AAK1: variants seen among roughly 807,000 people sequenced by gnomAD.
AAK1 encodes AP2-associated protein kinase 1.
Under a neutral mutation model 116.0 loss-of-function variants are expected in AAK1, and 37 were observed. The observed-to-expected ratio is 0.32, with a 90% CI of 0.25 to 0.42. The LOEUF is 0.42. Ranked by LOEUF, AAK1 falls within the 10% of genes least tolerant of loss-of-function variation. The pLI, the probability that AAK1 is intolerant of heterozygous loss-of-function variation, is 1.00. For synonymous variants in AAK1, 458 were observed against 439.9 expected (o/e 1.04, Z -0.51); for missense variants, 919 against 1,170.6 (o/e 0.79, Z 3.14).
rs561819944 is a variant in AAK1, at chr2:69,491,559, T to C, written c.2365+4426A>G. Among the ~76,000 whole-genome samples the C allele has an allele frequency of 1.8e-4, 28 of 152,162 alleles. 1 individual carries two copies. The highest frequency in any genetic ancestry group is 3.8e-4 in the Non-Finnish European group (26 of 68,034). On this transcript the variant is annotated intron_variant, in intron 17 of 21. Transcript: ENST00000409085. The stretch of plus-strand genomic sequence containing the variant: ...TTTGACAATCACTGTATCCAGGAAA[T>C]CTATTTTAATGGTTCTCAGTTGTGC...
chr2:69,564,799 T>C (rs538269330), intron 2 of AAK1, among the ~76,000 whole-genome samples: 120 of 152,302 alleles, frequency 7.9e-4, no homozygotes, highest in African/African-American at 1.2e-4. Flanking sequence ...CCCTAGGTCA[T>C]AGTCCTTCAA....
At position 69,465,880 on chromosome 2, in the gene AAK1, G is replaced by A. The variant is rs1674469915; in HGVS notation, c.*9989C>T. The A allele has an allele frequency of 7.7e-7, 1 of 1,290,778 alleles. No individual in the cohort carries two copies. The highest frequency in any genetic ancestry group is 1.0e-6 in the Non-Finnish European group (1 of 988,884). 80.0% of individuals were successfully genotyped at this position (1,290,778 alleles called of 1,614,324 possible). A position where few individuals can be genotyped will look rare whatever the true frequency, so the allele number is the denominator to read the frequency against. Reference sequence around the variant, plus strand: ...TACACAGCTCTCTCACGGCCCGCGGGCAGGGGGACATCACCTGTCTGACTG... The same window carrying A: ...TACACAGCTCTCTCACGGCCCGCGGACAGGGGGACATCACCTGTCTGACTG... On this transcript the variant is annotated 3_prime_UTR_variant, in exon 22 of 22. Transcript: ENST00000409085.
At position 69,642,868 on chromosome 2, in the gene AAK1, C is replaced by T; in HGVS notation, c.163+10G>A. 2 of 1,613,668 alleles carry T rather than the reference C, an allele frequency of 1.2e-6. No individual in the cohort carries two copies. The highest frequency in any genetic ancestry group is 3.3e-5 in the Admixed American group (2 of 59,998). On this transcript the variant is annotated intron_variant, in intron 2 of 21. Coordinates refer to ENST00000409085, the MANE Select transcript of AAK1 (RefSeq NM_014911.5). ...GATTTTAATTTACGGCGCATTGAGC[C>T]CCACCGTACCTTCCGCCAACACCTC...
chr2:69,618,884 G>C (rs1214977328), intron 2 of AAK1, among the ~76,000 whole-genome samples: 1 of 151,938 alleles, frequency 6.6e-6, no homozygotes, highest in African/African-American at 2.4e-5. Context: ...CACCCTCCAA[G>C]ACTTCCATTC....
chr2:69,533,282 T>A (rs1670331998), intron 5 of AAK1, among the ~76,000 whole-genome samples: 1 of 152,238 alleles, frequency 6.6e-6, no homozygotes, highest in African/African-American at 2.4e-5. Flanking sequence ...AAAAAATGTA[T>A]GTTGAATGGA....
At chr2:69,496,667 GTATC>G (rs1436588412) in intron 16 of AAK1, among the ~76,000 whole-genome samples, 1 of 152,168 alleles carries the variant, frequency 6.6e-6, no homozygotes, top group Non-Finnish European at 1.5e-5. Flanking sequence ...GCAGTCTACA[GTATC>G]TCTTTCAGAA....
At chr2:69,549,136 A>G (rs920737339) in intron 3 of AAK1, among the ~76,000 whole-genome samples, 8 of 151,934 alleles carry the variant, frequency 5.3e-5, no homozygotes, top group African/African-American at 1.9e-4. Context: ...TGGGAGGCCA[A>G]GGTGGGTGGA....
intron 3 of AAK1, among the ~76,000 whole-genome samples, chr2:69,546,279 C>G (rs1224687234): frequency 6.6e-6 from 1 of 152,190 alleles, no homozygotes; most frequent in Non-Finnish European, 1.5e-5. Flanking sequence ...AAAAGACTTA[C>G]TGCATCTGCT....
chr2:69,488,600 G>T (rs1224423517), intron 17 of AAK1, among the ~76,000 whole-genome samples: 1 of 152,146 alleles, frequency 6.6e-6, no homozygotes, highest in African/African-American at 2.4e-5. Context: ...ACATAAAAGG[G>T]GATTAACGTC....
chr2:69,467,385 T>C lies in AAK1; in HGVS notation c.*8484A>G, dbSNP rs1674524532. On this transcript the variant is annotated 3_prime_UTR_variant, in exon 22 of 22. Transcript: ENST00000409085. ...GGGTGCTCTGGCTTTTAAAATCAAA[T>C]AGACAATTATCAGAATGCAAGAGAG... 2.0e-6 allele frequency: 2 copies of C among 985,362 alleles called. No individual in the cohort carries two copies. The highest frequency in any genetic ancestry group is 1.7e-5 in the African/African-American group (1 of 57,330). 61.0% of individuals were successfully genotyped at this position (985,362 alleles called of 1,614,324 possible). A position where few individuals can be genotyped will look rare whatever the true frequency, so the allele number is the denominator to read the frequency against.
chr2:69,479,983 G>A (rs113068565), intron 19 of AAK1, among the ~76,000 whole-genome samples: 18 of 152,164 alleles, frequency 1.2e-4, no homozygotes, highest in South Asian at 4.1e-4. Flanking sequence ...TCAAACTCCC[G>A]ACCTCAGGTG....
At chr2:69,551,290 G>A (rs1468667693) in intron 3 of AAK1, among the ~76,000 whole-genome samples, 1 of 152,080 alleles carries the variant, frequency 6.6e-6, no homozygotes, top group Non-Finnish European at 1.5e-5. Context: ...AATGGATGCT[G>A]GGCTTAATAC....
chr2:69,489,942 T>A (rs538636006), intron 17 of AAK1, among the ~76,000 whole-genome samples: 1 of 152,108 alleles, frequency 6.6e-6, no homozygotes, highest in Non-Finnish European at 1.5e-5. Context: ...GAGACAGCAG[T>A]TGGAAATGAG....
chr2:69,482,720 C>T lies in AAK1; in HGVS notation c.2458G>A (p.Ala820Thr). The change falls in exon 18 of 22, where the codon GCT (alanine) becomes ACT (threonine). Residue 820 changes from alanine (A) to threonine (T), a missense_variant. Physicochemically the swap from Ala to Thr is moderately conservative, Grantham distance 58 (BLOSUM62 0). Around this residue, in one of 4 missense-constraint regions of AAK1, gnomAD observed 263 missense variants for 285.5 expected, o/e 0.92. Coordinates refer to ENST00000409085, the MANE Select transcript of AAK1 (RefSeq NM_014911.5). ...GAGATGATGACTTTACCAATTACAG[C>T]ATCAGAAGTGCTACCAAAAGGATCT... ...MTDPFGSTSD[A>T]VIEKADVAVE... 2 of 1,608,442 alleles carry T rather than the reference C, an allele frequency of 1.2e-6. No individual in the cohort carries two copies.
chr2:69,529,016 G>A (rs1670134820), intron 8 of AAK1, among the ~76,000 whole-genome samples: 1 of 152,144 alleles, frequency 6.6e-6, no homozygotes, highest in Admixed American at 6.5e-5. Context: ...ATAAATGGAA[G>A]AGGCTGATTG....
chr2:69,553,503 G>A (rs1671268287), intron 3 of AAK1, among the ~76,000 whole-genome samples: 2 of 134,580 alleles, frequency 1.5e-5, no homozygotes, highest in African/African-American at 5.9e-5. Flanking sequence ...GAGTGTAGTG[G>A]CGTGATGTTG....
rs1670767221 is a variant in AAK1 at position 69,542,637 on chromosome 2, C to T, written c.420G>A (p.Gln140=). 6 of 1,613,836 alleles carry T rather than the reference C, an allele frequency of 3.7e-6. No individual in the cohort carries two copies. Among genetic ancestry groups the T allele is most frequent in the Non-Finnish European group, 5.1e-6 (6 of 1,179,888 alleles). The change falls in exon 5 of 22, where the codon CAG becomes CAA. Residue 140 remains glutamine (Q), a synonymous_variant. Transcript: ENST00000409085. The part of the protein sequence containing the change: ...RGGQVVNLMN[Q]RLQTGFTENE... ...TCTCTGTAAAGCCTGTTTGCAGGCG[C>T]TGGTTCATCAGGTTTACCACCTGGC...
rs1674370834 is a variant in AAK1 at position 69,462,667 on chromosome 2, C to T, written c.*13202G>A. The T allele has an allele frequency of 1.4e-5, 2 of 142,582 alleles. No homozygotes were observed. The highest frequency in any genetic ancestry group is 2.6e-5 in the African/African-American group (1 of 38,894). 8.8% of individuals were successfully genotyped at this position (142,582 alleles called of 1,614,324 possible). On this transcript the variant is annotated 3_prime_UTR_variant, in exon 22 of 22. Transcript: ENST00000409085. ...CTCCCGCCTGAGCGACAGAGCAAGA[C>T]GCCGTCTTGAAAAAAAAAAAAAAAA...
rs569686989 is a variant in AAK1 at position 69,474,779 on chromosome 2, ATTG to A, written c.*1087_*1089del. On this transcript the variant is annotated 3_prime_UTR_variant, in exon 22 of 22. Transcript: ENST00000409085. ...ATGATTCCATATGTTACACTGTAGG[ATTG>A]TTGTGTAGTTATACAAGGGAAAGAA... The A allele has an allele frequency of 6.1e-6, 6 of 985,810 alleles. No homozygotes were observed. In the African/African-American group the frequency reaches 1.0e-4, roughly 17 times the overall value. 61.1% of individuals were successfully genotyped at this position (985,810 alleles called of 1,614,324 possible). A position where few individuals can be genotyped will look rare whatever the true frequency, so the allele number is the denominator to read the frequency against.
Sources: gnomAD v4.1 joint callset for allele counts (sites outside exome capture counted in the v4.1 genomes callset) on GRCh38, gnomAD v4.1.1 for gene constraint, gnomAD v4.1.1 regional missense constraint, MANE v1.5 for transcripts, NCBI Gene and HGNC (gene_info 2026-07-23, HGNC 2026-07-21) for gene names.